Variants in THRB observed in about 807,000 individuals in gnomAD.
THRB encodes the protein thyroid hormone receptor beta, also known as nuclear receptor subfamily 1 group A member 2.
THRB carries 12 observed loss-of-function variants against 47.8 expected under a neutral mutation model. That is an observed-to-expected ratio of 0.25 (90% CI 0.16 to 0.41). THRB has a LOEUF of 0.41. Ranked by LOEUF, THRB falls within the 10% of genes least tolerant of loss-of-function variation. THRB has a pLI of 1.00. For synonymous variants in THRB, 218 were observed against 212.2 expected, an observed-to-expected ratio of 1.03 and a Z score of -0.24; for missense variants, 348 against 589.2, an observed-to-expected ratio of 0.59 and a Z score of 4.24.
chr3:24,487,556 T>C (rs946460367), intron 1 of THRB, among the ~76,000 whole-genome samples: 3 of 152,032 alleles, frequency 2.0e-5, no homozygotes, highest in Admixed American at 6.6e-5. Context: ...AAAGTAATAA[T>C]ATAAGAAGAG....
chr3:24,190,435 G>A, intron 4 of THRB, 101 bp from the exon 5 acceptor site: 1 of 1,461,432 alleles, frequency 6.8e-7, no homozygotes, highest in Non-Finnish European at 9.6e-7. Context: ...ATTCTTTTGG[G>A]CTGACAGTAT....
intron 1 of THRB, among the ~76,000 whole-genome samples, chr3:24,451,665 A>G (rs570325648): frequency 4.6e-5 from 7 of 152,300 alleles, no homozygotes; most frequent in Non-Finnish European, 1.0e-4. Context: ...CTCCTTATAA[A>G]GCAAATAGCT....
intron 1 of THRB, among the ~76,000 whole-genome samples, chr3:24,453,528 A>G (rs562404643): frequency 6.6e-6 from 1 of 152,154 alleles, no homozygotes; most frequent in Admixed American, 6.5e-5. Context: ...TGCTCACTCT[A>G]GCAACAGCAA....
chr3:24,468,180 T>C (rs1278304679), intron 1 of THRB, among the ~76,000 whole-genome samples: 2 of 152,208 alleles, frequency 1.3e-5, no homozygotes, highest in Non-Finnish European at 2.9e-5. Context: ...TCTCTCAGCC[T>C]TCATGGAATT....
intron 1 of THRB, among the ~76,000 whole-genome samples, chr3:24,454,515 G>T (rs551290845): frequency 2.6e-4 from 39 of 152,176 alleles, no homozygotes; most frequent in African/African-American, 7.7e-4. Flanking sequence ...CATAGCATGT[G>T]GATTCTCAAT....
intron 7 of THRB, among the ~76,000 whole-genome samples, chr3:24,146,096 C>G (rs189139943): frequency 6.6e-6 from 1 of 152,328 alleles, no homozygotes; most frequent in Admixed American, 6.5e-5. Flanking sequence ...CTCGGAATGT[C>G]TTTATTGCTA....
intron 2 of THRB, among the ~76,000 whole-genome samples, chr3:24,311,978 C>G (rs1433742452): frequency 2.0e-5 from 3 of 152,236 alleles, no homozygotes; most frequent in Admixed American, 2.0e-4. Flanking sequence ...CTCTCCACTT[C>G]CTCCATCTTG....
chr3:24,491,254 T>A (rs2125968248), intron 1 of THRB, among the ~76,000 whole-genome samples: 1 of 152,330 alleles, frequency 6.6e-6, no homozygotes, highest in South Asian at 2.1e-4. Flanking sequence ...TTTTTAACAG[T>A]CTGATTTTGT....
chr3:24,257,808 G>A (rs2051461279), intron 3 of THRB, among the ~76,000 whole-genome samples: 1 of 152,226 alleles, frequency 6.6e-6, no homozygotes, highest in South Asian at 2.1e-4. Flanking sequence ...ACACAAGTGG[G>A]ACAGCCTCCT....
chr3:24,480,461 A>T (rs1391389735), intron 1 of THRB, among the ~76,000 whole-genome samples: 1 of 152,202 alleles, frequency 6.6e-6, no homozygotes, highest in Non-Finnish European at 1.5e-5. Flanking sequence ...AAGCAAAACC[A>T]CATATTTTGC....
At chr3:24,406,303 T>C (rs1258981161) in intron 1 of THRB, among the ~76,000 whole-genome samples, 3 of 151,744 alleles carry the variant, frequency 2.0e-5, no homozygotes, top group African/African-American at 7.2e-5. Context: ...CTTTTAAAAC[T>C]AATTAACCTT....
chr3:24,360,451 C>A (rs1048009961), intron 1 of THRB, among the ~76,000 whole-genome samples: 2 of 152,162 alleles, frequency 1.3e-5, no homozygotes, highest in African/African-American at 4.8e-5. Flanking sequence ...GCAGGCGATG[C>A]ATATTAACAT....
intron 1 of THRB, among the ~76,000 whole-genome samples, chr3:24,438,787 G>C (rs1044742700): frequency 6.6e-6 from 1 of 152,290 alleles, no homozygotes; most frequent in East Asian, 1.9e-4. Flanking sequence ...GAGAGTAGAT[G>C]AGAAGGTAGA....
At chr3:24,482,529 T>TCTCCCTC (rs1696613583) in intron 1 of THRB, among the ~76,000 whole-genome samples, 21 of 119,838 alleles carry the variant, frequency 1.8e-4, no homozygotes, top group African/African-American at 7.4e-4. Flanking sequence ...CTTTCTTTCT[T>TCTCCCTC]TCTGTCTCCC....
chr3:24,402,915 T>C (rs2067531894), intron 1 of THRB, among the ~76,000 whole-genome samples: 1 of 152,022 alleles, frequency 6.6e-6, no homozygotes, highest in African/African-American at 2.4e-5. Context: ...TGGAGACAAC[T>C]TGACAATATA....
chr3:24,280,158 G>A (rs183298428), intron 3 of THRB, among the ~76,000 whole-genome samples: 9 of 152,330 alleles, frequency 5.9e-5, no homozygotes, highest in South Asian at 2.1e-4. Context: ...CAGCCTGAGC[G>A]ACGCAGAAGA....
chr3:24,419,994 T>C (rs547331373), intron 1 of THRB, among the ~76,000 whole-genome samples: 5 of 151,978 alleles, frequency 3.3e-5, no homozygotes, highest in East Asian at 2.0e-4. Context: ...GTGTAACCGA[T>C]GCAAGTTACT....
In THRB at chr3:24,381,285, CA is replaced by C. The variant is rs1265408810; in HGVS notation, c.-260-43915del. 2.6e-5 allele frequency among the ~76,000 whole-genome samples: 4 copies of C among 152,160 alleles called. No individual in the cohort carries two copies. The South Asian group carries it at 8.3e-4, about 32-fold the overall frequency. On this transcript the variant is annotated intron_variant, in intron 1 of 10. Transcript: ENST00000646209. ...CGGGAGATATGACAATACAAAGACC[CA>C]AAGACCAACACTAACTTCTAGCTCC...
chr3:24,157,088 G>A (rs768195940), intron 5 of THRB, among the ~76,000 whole-genome samples: 1 of 152,208 alleles, frequency 6.6e-6, no homozygotes, highest in South Asian at 2.1e-4. Flanking sequence ...GTACAAACTT[G>A]AAACAGCATT....
Sources: gnomAD v4.1 joint callset for allele counts (sites outside exome capture counted in the v4.1 genomes callset) on GRCh38, gnomAD v4.1.1 for gene constraint, MANE v1.5 for transcripts, NCBI Gene and HGNC (gene_info 2026-07-23, HGNC 2026-07-21) for gene names.